ATP10A: variants seen among roughly 807,000 people sequenced by gnomAD.
The protein encoded by ATP10A is ATPase phospholipid transporting 10A (putative).
ATP10A carries 111 observed loss-of-function variants against 147.8 expected under a neutral mutation model. The ratio of observed to expected loss-of-function variants is 0.75; its 90% CI spans 0.64 to 0.88. The LOEUF (loss-of-function observed/expected upper bound fraction) is 0.88. Among genes scored for constraint, ATP10A ranks in the 40% least tolerant of loss-of-function variants. The pLI is 0.00. For synonymous variants in ATP10A, 875 were observed against 841.6 expected (o/e 1.04, Z -0.69); for missense variants, 1,927 against 1,959.0 (o/e 0.98, Z 0.31).
At chr15:25,835,662 ATATTCTGT>A (rs1892557888) in intron 1 of ATP10A, among the ~76,000 whole-genome samples, 1 of 152,094 alleles carries the variant, frequency 6.6e-6, no homozygotes, top group Non-Finnish European at 1.5e-5. Context: ...AGACTGGGTC[ATATTCTGT>A]CACCCAGGCT....
chr15:25,849,524 A>C (rs1045569031), intron 1 of ATP10A, among the ~76,000 whole-genome samples: 1 of 152,206 alleles, frequency 6.6e-6, no homozygotes, highest in Non-Finnish European at 1.5e-5. Context: ...CCAAGGGCGC[A>C]TTATGAAGGA....
At chr15:25,703,096 G>A (rs150081707) in intron 12 of ATP10A, among the ~76,000 whole-genome samples, 6,679 of 152,274 alleles carry the variant, frequency 0.044, 188 homozygotes, top group East Asian at 0.15. Context: ...GGTGGCTCAC[G>A]CCTGTAATCC....
At chr15:25,701,667 G>C (rs1276101011) in intron 13 of ATP10A, among the ~76,000 whole-genome samples, 3 of 152,280 alleles carry the variant, frequency 2.0e-5, no homozygotes, top group East Asian at 3.9e-4. Flanking sequence ...TGATGACTTG[G>C]ACAGTATGTC....
intron 2 of ATP10A, among the ~76,000 whole-genome samples, chr15:25,762,147 T>A (rs977928153): frequency 6.6e-6 from 1 of 152,190 alleles, no homozygotes; most frequent in African/African-American, 2.4e-5. Flanking sequence ...TGCTCGGCAC[T>A]TCTCCTTCCT....
chr15:25,740,933 C>G (rs1887550985), intron 2 of ATP10A, among the ~76,000 whole-genome samples: 1 of 152,246 alleles, frequency 6.6e-6, no homozygotes, highest in African/African-American at 2.4e-5. Flanking sequence ...GCAGGGAACC[C>G]TGAGGAAGCC....
intron 1 of ATP10A, among the ~76,000 whole-genome samples, chr15:25,834,585 A>G (rs1892511763): frequency 6.6e-6 from 1 of 152,218 alleles, no homozygotes; most frequent in African/African-American, 2.4e-5. Context: ...CCTCAGGGGT[A>G]TCGTGTGCTC....
intron 16 of ATP10A, among the ~76,000 whole-genome samples, chr15:25,686,239 G>C: frequency 6.7e-6 from 1 of 149,608 alleles, no homozygotes; most frequent in Non-Finnish European, 1.5e-5. Context: ...GGAAAAGAAA[G>C]GCAGGTGTAG....
chr15:25,743,674 A>G (rs1037626418), intron 2 of ATP10A, among the ~76,000 whole-genome samples: 3 of 152,192 alleles, frequency 2.0e-5, no homozygotes, highest in African/African-American at 7.2e-5. Context: ...AACAACAGTC[A>G]TTTGTTGTCT....
At chr15:25,736,465 G>C (rs959450751) in intron 2 of ATP10A, among the ~76,000 whole-genome samples, 1 of 152,208 alleles carries the variant, frequency 6.6e-6, no homozygotes, top group Non-Finnish European at 1.5e-5. Flanking sequence ...GGATGAATGA[G>C]TTTTTTAAGA....
intron 13 of ATP10A, among the ~76,000 whole-genome samples, chr15:25,699,256 C>A (rs1025982201): frequency 6.6e-6 from 1 of 152,118 alleles, no homozygotes; most frequent in South Asian, 2.1e-4. Flanking sequence ...AAGGGATAGA[C>A]AAACAAATGA....
At chr15:25,793,800 C>T (rs1399721686) in intron 1 of ATP10A, among the ~76,000 whole-genome samples, 3 of 152,208 alleles carry the variant, frequency 2.0e-5, no homozygotes, top group Non-Finnish European at 2.9e-5. Context: ...GGCATCCAGT[C>T]GCCTTTGCAT....
chr15:25,859,961 C>T (rs1435228859), intron 1 of ATP10A, among the ~76,000 whole-genome samples: 4 of 152,146 alleles, frequency 2.6e-5, no homozygotes, highest in Admixed American at 2.6e-4. Flanking sequence ...CTCCTATGCA[C>T]AGCAGCTAGA....
chr15:25,741,376 G>A (rs369152745), intron 2 of ATP10A, among the ~76,000 whole-genome samples: 10 of 152,282 alleles, frequency 6.6e-5, no homozygotes, highest in African/African-American at 1.4e-4. Context: ...CTGCTGAGGC[G>A]TCTCTGTGGT....
At chr15:25,816,972 G>C (rs1891683552) in intron 1 of ATP10A, among the ~76,000 whole-genome samples, 1 of 126,968 alleles carries the variant, frequency 7.9e-6, no homozygotes, top group African/African-American at 3.8e-5. Flanking sequence ...TTGTTAATGT[G>C]TAGGAAAAAA....
chr15:25,754,803 C>A (rs1390940153), intron 2 of ATP10A, among the ~76,000 whole-genome samples: 1 of 152,144 alleles, frequency 6.6e-6, no homozygotes, highest in Non-Finnish European at 1.5e-5. Flanking sequence ...GGAATTACAG[C>A]AGCCATTATG....
intron 8 of ATP10A, 104 bp from the exon 9 acceptor site, chr15:25,717,028 G>T: frequency 1.2e-6 from 1 of 862,410 alleles, no homozygotes; most frequent in East Asian, 2.9e-5. Context: ...GCTGTAAACA[G>T]AACTTCATCT....
rs144898039 is a variant in ATP10A, at chr15:25,818,744, T to C, written c.450-37521A>G. ...AGTAATCAAAACAGCACAATATTGG[T>C]ACAAAAATAGACACACAGACCAATG... On this transcript the variant is annotated intron_variant, in intron 1 of 20. Coordinates refer to ENST00000555815, the MANE Select transcript of ATP10A (RefSeq NM_024490.4). 3.2e-3 allele frequency among the ~76,000 whole-genome samples: 483 copies of C among 152,198 alleles called. 7 individuals carry two copies. The highest frequency in any genetic ancestry group is 0.011 in the African/African-American group (458 of 41,510).
chr15:25,680,282 GC>G lies in ATP10A; in HGVS notation c.3704del (p.Gly1235AlafsTer12), dbSNP rs1270297804. The G allele has an allele frequency of 6.2e-7, 1 of 1,614,082 alleles. No individual in the cohort carries two copies. The highest frequency in any genetic ancestry group is 8.5e-7 in the Non-Finnish European group (1 of 1,180,044). On this transcript the variant is annotated frameshift_variant, in exon 20 of 21. Coordinates refer to ENST00000555815, the MANE Select transcript of ATP10A (RefSeq NM_024490.4). LOFTEE classifies it high-confidence loss of function. ...CGGTGAAAAACAAAAGGACACTGAA[GC>G]CACACGTTATCCAGTTGAGCCAGGT... ...TWTWLNWITCGFSVLLFFTVA... is the reference protein window; with the variant it reads ...TWTWLNWITCXFSVLLFFTVA...
chr15:25,828,338 A>G (rs1476590512), intron 1 of ATP10A, among the ~76,000 whole-genome samples: 1 of 152,250 alleles, frequency 6.6e-6, no homozygotes, highest in African/African-American at 2.4e-5. Flanking sequence ...CAACAGTAGA[A>G]TAAACTTTCT....
Sources: allele counts gnomAD v4.1 joint callset (sites outside exome capture counted in the v4.1 genomes callset), GRCh38; gene constraint gnomAD v4.1.1; transcripts MANE v1.5; gene names NCBI Gene and HGNC (gene_info 2026-07-23, HGNC 2026-07-21).